Variants in IFNGR1 observed in about 807,000 individuals in gnomAD.
The protein encoded by IFNGR1 is AVP, type 2.
IFNGR1 carries 23 observed loss-of-function variants against 35.4 expected under a neutral mutation model. The observed-to-expected ratio is 0.65, with a 90% CI of 0.47 to 0.92. IFNGR1 has a LOEUF of 0.92. Ranked by LOEUF, IFNGR1 falls within the 40% of genes least tolerant of loss-of-function variation. The probability of loss-of-function intolerance (pLI) is 0.00; values close to 1 mark genes in which losing one functional copy is unlikely to be tolerated. For missense variants in IFNGR1, 533 were observed against 583.4 expected, an observed-to-expected ratio of 0.91 and a Z score of 0.89; for synonymous variants, 199 against 209.5, an observed-to-expected ratio of 0.95 and a Z score of 0.43.
At chr6:137,217,197 T>G (rs1779721962) in intron 1 of IFNGR1, among the ~76,000 whole-genome samples, 1 of 152,224 alleles carries the variant, frequency 6.6e-6, no homozygotes, top group Admixed American at 6.5e-5. Context: ...GACTCCAACT[T>G]AAGCAGCAGC....
chr6:137,203,767 C>G lies in IFNGR1; in HGVS notation c.547-82G>C, dbSNP rs751910173. On this transcript the variant is annotated intron_variant, in intron 4 of 6. Coordinates refer to ENST00000367739, the MANE Select transcript of IFNGR1 (RefSeq NM_000416.3). ...AAAAAATCACCATATTAGTCCTGGT[C>G]AAACAACTGAAGAAATATATATGAT... 2.7e-6 allele frequency: 3 copies of G among 1,101,514 alleles called. No individual in the cohort carries two copies. The South Asian group carries it at 4.1e-5, about 15-fold the overall frequency. The allele number at this position is 1,101,514 out of a possible 1,614,324, so 68.2% of individuals were successfully genotyped here. A position where few individuals can be genotyped will look rare whatever the true frequency, so the allele number is the denominator to read the frequency against.
chr6:137,212,589 T>C (rs1469348099), intron 1 of IFNGR1, among the ~76,000 whole-genome samples: 1 of 152,120 alleles, frequency 6.6e-6, no homozygotes, highest in Non-Finnish European at 1.5e-5. Flanking sequence ...CCAGTAGGAA[T>C]GGCTTTATAA....
chr6:137,211,578 C>G (rs1779575356), intron 1 of IFNGR1, among the ~76,000 whole-genome samples: 1 of 152,180 alleles, frequency 6.6e-6, no homozygotes, highest in South Asian at 2.1e-4. Flanking sequence ...CTCTTGGTAC[C>G]TGCCATCTCT....
At chr6:137,208,761 C>T (rs1779508936) in intron 1 of IFNGR1, among the ~76,000 whole-genome samples, 2 of 152,224 alleles carry the variant, frequency 1.3e-5, no homozygotes, top group South Asian at 4.1e-4. Context: ...TCTGCTAGGC[C>T]AGTGTGGAAG....
chr6:137,203,828 A>G (rs769981570), intron 4 of IFNGR1, 143 bp from the exon 5 acceptor site: 1 of 705,390 alleles, frequency 1.4e-6, no homozygotes, highest in Non-Finnish European at 2.4e-6. Flanking sequence ...TTTACTATCA[A>G]TAAGTCAATT....
At chr6:137,215,550 G>T (rs1779673950) in intron 1 of IFNGR1, among the ~76,000 whole-genome samples, 1 of 152,096 alleles carries the variant, frequency 6.6e-6, no homozygotes, top group Admixed American at 6.5e-5. Context: ...CTTCATTCTG[G>T]TTCAAACCTC....
chr6:137,206,945 TA>T lies in IFNGR1; in HGVS notation c.200+17del. 1 of 1,563,114 alleles carries T rather than the reference TA, an allele frequency of 6.4e-7. No homozygotes were observed. The highest frequency in any genetic ancestry group is 8.8e-7 in the Non-Finnish European group (1 of 1,133,978). ...ACAAAAATGGAATAAAAAGGATAAA[TA>T]AAAGAGTGACACTCACCCATAGTTC... On this transcript the variant is annotated intron_variant, in intron 2 of 6. Transcript: ENST00000367739.
chr6:137,210,008 C>T (rs1005623621), intron 1 of IFNGR1: 1 of 397,022 alleles, frequency 2.5e-6, no homozygotes. Flanking sequence ...AGAGAACAGA[C>T]AGAAGTCATT....
rs761131348 is a variant in IFNGR1 at position 137,198,164 on chromosome 6, A to T, written c.1337T>A (p.Ile446Lys). 10 of 1,614,136 alleles carry T rather than the reference A, an allele frequency of 6.2e-6. No homozygotes were observed. The Admixed American group carries it at 1.7e-4, about 27-fold the overall frequency. Residue 446 changes from isoleucine to lysine, a missense_variant, in exon 7 of 7, where the codon ATA (isoleucine) becomes AAA (lysine). Transcript: ENST00000367739. Reference sequence around the variant, plus strand: ...GGAGGTGGGGGCTTTTATTACGGTTATGAGCTCTTGTCCTTCTGTTTTTAT... The same window carrying T: ...GGAGGTGGGGGCTTTTATTACGGTTTTGAGCTCTTGTCCTTCTGTTTTTAT... ...GEIKTEGQEL[I>K]TVIKAPTSFG... is the part of the protein sequence containing the mutation.
intron 1 of IFNGR1, chr6:137,215,378 C>G (rs1184360098): frequency 2.4e-5 from 37 of 1,510,500 alleles, no homozygotes; most frequent in Non-Finnish European, 3.2e-5. Context: ...ATTATGGCCA[C>G]TGCAAAAGTT....
chr6:137,218,700 C>T, intron 1 of IFNGR1: 2 of 350,896 alleles, frequency 5.7e-6, no homozygotes, highest in South Asian at 4.2e-5. Context: ...GATGGAGATC[C>T]GTTCTGAGAA....
chr6:137,211,208 A>G (rs1315760353), intron 1 of IFNGR1, among the ~76,000 whole-genome samples: 1 of 152,156 alleles, frequency 6.6e-6, no homozygotes, highest in Non-Finnish European at 1.5e-5. Context: ...ACAACAAAAA[A>G]TAATATAGCC....
Position 137,197,695 on chromosome 6 carries a change from A to C in IFNGR1, c.*336T>G. 1 of 220,718 alleles carries C rather than the reference A, an allele frequency of 4.5e-6. No homozygotes were observed. The highest frequency in any genetic ancestry group is 6.7e-5 in the South Asian group (1 of 14,852). The allele number at this position is 220,718 out of a possible 1,614,324, so 13.7% of individuals were successfully genotyped here. A position where few individuals can be genotyped will look rare whatever the true frequency, so the allele number is the denominator to read the frequency against. ...TATGCTATACCAAGGCAGAGAAAAG[A>C]AAAAAAGTGAAGTGGCTACAAAGGT... On this transcript the variant is annotated 3_prime_UTR_variant, in exon 7 of 7. Coordinates refer to ENST00000367739, the MANE Select transcript of IFNGR1 (RefSeq NM_000416.3).
At position 137,206,996 on chromosome 6, in the gene IFNGR1, A is replaced by C. The variant is rs763644961; in HGVS notation, c.167T>G (p.Val56Gly). ...VYWEYQIMPQVPVFTVEVKNY... is the reference protein window; with the variant it reads ...VYWEYQIMPQGPVFTVEVKNY... ...CTTTACCTCTACGGTAAAAACAGGGACCTGTGGCATGATCTGGTACTCCCA... is the reference window on the plus strand; with the variant it reads ...CTTTACCTCTACGGTAAAAACAGGGCCCTGTGGCATGATCTGGTACTCCCA... The change falls in exon 2 of 7, where the codon GTC becomes GGC. Residue 56 changes from valine (V) to glycine (G), a missense_variant. By Grantham distance (109) the Val-to-Gly change is moderately radical. Coordinates refer to ENST00000367739, the MANE Select transcript of IFNGR1 (RefSeq NM_000416.3). The C allele has an allele frequency of 1.3e-5, 21 of 1,613,450 alleles. No individual in the cohort carries two copies. The highest frequency in any genetic ancestry group is 1.4e-5 in the Non-Finnish European group (17 of 1,179,518).
intron 1 of IFNGR1, chr6:137,215,372 T>C (rs760984083): frequency 9.5e-5 from 145 of 1,522,224 alleles, no homozygotes; most frequent in Admixed American, 4.4e-4. Flanking sequence ...AATTATATTA[T>C]GGCCACTGCA....
Position 137,207,079 on chromosome 6 carries a change from T to C in IFNGR1, c.86-2A>G. The C allele has an allele frequency of 6.2e-7, 1 of 1,613,746 alleles. No individual in the cohort carries two copies. Among genetic ancestry groups the C allele is most frequent in the Non-Finnish European group, 8.5e-7 (1 of 1,179,796 alleles). ...TTGTAACATTAGTTGGTGTAGGCAC[T>C]GTAAGAAAATAAAAAAGTAAAAGGG... On this transcript the variant is annotated splice_acceptor_variant, in intron 1 of 6. Transcript: ENST00000367739. LOFTEE classifies it high-confidence loss of function.
At chr6:137,207,838 C>T (rs893345038) in intron 1 of IFNGR1, among the ~76,000 whole-genome samples, 7 of 152,056 alleles carry the variant, frequency 4.6e-5, no homozygotes, top group Admixed American at 1.3e-4. Context: ...TGGGGCATTG[C>T]TGAAAAGATA....
At chr6:137,200,791 A>G (rs1779259219) in intron 6 of IFNGR1, 90 bp downstream of exon 6, 2 of 1,112,198 alleles carry the variant, frequency 1.8e-6, no homozygotes, top group Non-Finnish European at 2.6e-6. Context: ...CTTGTTGAAT[A>G]TCATTCTACT....
Position 137,204,460 on chromosome 6 carries a change from GCTTCTCCTC to G in IFNGR1, c.409_417del (p.Glu137_Lys139del), listed in dbSNP as rs1374062720. The G allele has an allele frequency of 6.2e-7, 1 of 1,613,772 alleles. No homozygotes were observed. Among genetic ancestry groups the G allele is most frequent in the Non-Finnish European group, 8.5e-7 (1 of 1,179,842 alleles). On this transcript the variant is annotated inframe_deletion, in exon 4 of 7. Transcript: ENST00000367739. ...GGGTGAAATATGTCAATCATGATTT[GCTTCTCCTC>G]CTTTCTGATATCCAGTTTAGGTGGT...
Sources: gnomAD v4.1 joint callset for allele counts (sites outside exome capture counted in the v4.1 genomes callset) on GRCh38, gnomAD v4.1.1 for gene constraint, MANE v1.5 for transcripts, NCBI Gene and HGNC (gene_info 2026-07-23, HGNC 2026-07-21) for gene names.